Variants in SEPTIN9 observed in about 807,000 individuals in gnomAD.
SEPTIN9 encodes septin-9.
SEPTIN9 carries 13 observed loss-of-function variants against 56.6 expected under a neutral mutation model. The observed-to-expected ratio is 0.23, with a 90% CI of 0.15 to 0.37. SEPTIN9 has a LOEUF of 0.37. Among genes scored for constraint, SEPTIN9 ranks in the 10% least tolerant of loss-of-function variants. SEPTIN9 has a pLI of 1.00. For missense variants in SEPTIN9, 650 were observed against 823.1 expected (o/e 0.79, Z 2.57); for synonymous variants, 332 against 334.1 (o/e 0.99, Z 0.07).
intron 3 of SEPTIN9, among the ~76,000 whole-genome samples, chr17:77,471,503 G>A (rs764959715): frequency 1.3e-5 from 2 of 152,264 alleles, no homozygotes; most frequent in Non-Finnish European, 2.9e-5. Context: ...TGGGGGAGGC[G>A]GAGCCCCAGC....
At chr17:77,414,987 C>T (rs1012255455) in intron 3 of SEPTIN9, among the ~76,000 whole-genome samples, 17 of 152,162 alleles carry the variant, frequency 1.1e-4, no homozygotes, top group Non-Finnish European at 7.4e-5. Context: ...GGTGCCAGTG[C>T]GTCCCTGAGT....
intron 2 of SEPTIN9, among the ~76,000 whole-genome samples, chr17:77,386,213 C>G (rs371757769): frequency 6.6e-6 from 1 of 152,330 alleles, no homozygotes; most frequent in Admixed American, 6.5e-5. Context: ...GCCCTGTGCC[C>G]CACAGGCTCC....
chr17:77,345,550 C>T (rs2033864491), intron 2 of SEPTIN9, among the ~76,000 whole-genome samples: 2 of 152,094 alleles, frequency 1.3e-5, no homozygotes, highest in African/African-American at 4.8e-5. Flanking sequence ...ACTGGGTAGC[C>T]GAGAAACCTA....
chr17:77,316,850 GC>G (rs944598750), intron 2 of SEPTIN9, among the ~76,000 whole-genome samples: 6 of 152,046 alleles, frequency 3.9e-5, no homozygotes, highest in African/African-American at 1.4e-4. Context: ...GAGATTACAG[GC>G]ACGTGCCACC....
rs2036014831 is a variant in SEPTIN9, at chr17:77,404,959, C to T, written c.721+2256C>T. 4 of 885,168 alleles carry T rather than the reference C, an allele frequency of 4.5e-6. No individual in the cohort carries two copies. The South Asian group carries it at 6.9e-5, about 15-fold the overall frequency. 54.8% of individuals were successfully genotyped at this position (885,168 alleles called of 1,614,324 possible). A position where few individuals can be genotyped will look rare whatever the true frequency, so the allele number is the denominator to read the frequency against. On this transcript the variant is annotated intron_variant, in intron 3 of 11. Coordinates refer to ENST00000427177, the MANE Select transcript of SEPTIN9 (RefSeq NM_001113491.2). ...GGCAGGAGGCTGTTTCCTCCCCTGC[C>T]TTCTGTTGGTGCAGGACCTTTGTTT...
chr17:77,316,025 A>G (rs1463074326), intron 2 of SEPTIN9, among the ~76,000 whole-genome samples: 1 of 152,188 alleles, frequency 6.6e-6, no homozygotes, highest in Non-Finnish European at 1.5e-5. Context: ...CTTTGGTCCA[A>G]TTTGGGAAAA....
intron 2 of SEPTIN9, among the ~76,000 whole-genome samples, chr17:77,343,579 A>G (rs1367783750): frequency 2.6e-5 from 4 of 152,172 alleles, no homozygotes; most frequent in Admixed American, 1.3e-4. Flanking sequence ...AGTTGTGAAG[A>G]CCTCAAATTT....
rs1033370895 is a variant in SEPTIN9, at chr17:77,400,122, G to A, written c.77-1937G>A. Among the ~76,000 whole-genome samples, 2 of 152,126 alleles carry A rather than the reference G, an allele frequency of 1.3e-5. No individual in the cohort carries two copies. The highest frequency in any genetic ancestry group is 2.4e-5 in the African/African-American group (1 of 41,410). ...CTCCTGAGTAGCTGGGACTATAGGC[G>A]AGTGTCACCATGCCCAGCTAATTTT... On this transcript the variant is annotated intron_variant, in intron 2 of 11. Coordinates refer to ENST00000427177, the MANE Select transcript of SEPTIN9 (RefSeq NM_001113491.2). This position sits in a 1 kb window ranked among gnomAD's most constrained non-coding sequence, Gnocchi z 4.1.
intron 3 of SEPTIN9, among the ~76,000 whole-genome samples, chr17:77,455,013 C>A (rs1279678272): frequency 6.6e-6 from 1 of 150,994 alleles, no homozygotes; most frequent in African/African-American, 2.4e-5. Flanking sequence ...TGTCCTCCCC[C>A]TGGCCGGCCG....
At chr17:77,346,722 T>C (rs2033905017) in intron 2 of SEPTIN9, among the ~76,000 whole-genome samples, 1 of 152,216 alleles carries the variant, frequency 6.6e-6, no homozygotes, top group African/African-American at 2.4e-5. Flanking sequence ...TCAGATTATC[T>C]GATGCTTGTT....
intron 2 of SEPTIN9, among the ~76,000 whole-genome samples, chr17:77,391,060 A>G (rs185427594): frequency 6.6e-6 from 1 of 152,208 alleles, no homozygotes; most frequent in African/African-American, 2.4e-5. Context: ...GCACTTGCCC[A>G]CTGTGAAGGG....
At chr17:77,352,591 C>G (rs957209472) in intron 2 of SEPTIN9, among the ~76,000 whole-genome samples, 5 of 152,186 alleles carry the variant, frequency 3.3e-5, no homozygotes, top group Admixed American at 6.5e-5. Flanking sequence ...CGGCTTGCAG[C>G]TCGGCCTACC....
intron 1 of SEPTIN9, among the ~76,000 whole-genome samples, chr17:77,304,610 G>C (rs1234686794): frequency 1.3e-5 from 2 of 152,168 alleles, no homozygotes; most frequent in Non-Finnish European, 2.9e-5. Flanking sequence ...CCCCTGCAGA[G>C]ATGTCTCAGC....
At chr17:77,459,575 G>T (rs1234978111) in intron 3 of SEPTIN9, among the ~76,000 whole-genome samples, 2 of 152,202 alleles carry the variant, frequency 1.3e-5, no homozygotes, top group Non-Finnish European at 1.5e-5. Flanking sequence ...GGGGTTATTT[G>T]ACTCACGGTT....
At chr17:77,361,220 G>C (rs1006419317) in intron 2 of SEPTIN9, among the ~76,000 whole-genome samples, 1 of 152,078 alleles carries the variant, frequency 6.6e-6, no homozygotes, top group Non-Finnish European at 1.5e-5. Flanking sequence ...CACCGCACTG[G>C]GCCTCTTTCG....
At chr17:77,458,641 A>C (rs964574371) in intron 3 of SEPTIN9, among the ~76,000 whole-genome samples, 2 of 152,232 alleles carry the variant, frequency 1.3e-5, no homozygotes, top group African/African-American at 4.8e-5. Context: ...GAACCTGGAC[A>C]CAGAAGTGCT....
rs2040422123 is a variant in SEPTIN9 at position 77,499,529 on chromosome 17, G to A, written c.*871G>A. ...GAGTCTGGTGGAGGAGCTGAGGGAG[G>A]GAGCCATGGAAGGTGCCAGAAGGAA... On this transcript the variant is annotated 3_prime_UTR_variant, in exon 12 of 12. Transcript: ENST00000427177. 1 of 464,452 alleles carries A rather than the reference G, an allele frequency of 2.2e-6. No individual in the cohort carries two copies. Among genetic ancestry groups the A allele is most frequent in the East Asian group, 4.0e-5 (1 of 25,108 alleles). 28.8% of individuals were successfully genotyped at this position (464,452 alleles called of 1,614,324 possible). A position where few individuals can be genotyped will look rare whatever the true frequency, so the allele number is the denominator to read the frequency against.
At chr17:77,462,879 T>C in intron 3 of SEPTIN9, among the ~76,000 whole-genome samples, 1 of 152,002 alleles carries the variant, frequency 6.6e-6, no homozygotes, top group East Asian at 1.9e-4. Context: ...TGACCTCAAG[T>C]GATCTGGCCA....
At chr17:77,401,032 G>T (rs1443300493) in intron 2 of SEPTIN9, among the ~76,000 whole-genome samples, 1 of 152,148 alleles carries the variant, frequency 6.6e-6, no homozygotes, top group African/African-American at 2.4e-5. Flanking sequence ...TGCAGGAGAG[G>T]CTGATGACTG....
Sources: gnomAD v4.1 joint callset for allele counts (sites outside exome capture counted in the v4.1 genomes callset) on GRCh38, gnomAD v4.1.1 for gene constraint, Gnocchi (gnomAD v3.1) non-coding constraint, MANE v1.5 for transcripts, NCBI Gene and HGNC (gene_info 2026-07-23, HGNC 2026-07-21) for gene names.